ZHX2: variants seen among roughly 807,000 people sequenced by gnomAD.
ZHX2 encodes the protein zinc fingers and homeoboxes protein 2.
Under a neutral mutation model 21.9 loss-of-function variants are expected in ZHX2, and 6 were observed. The observed-to-expected ratio is 0.27, with a 90% CI of 0.15 to 0.54. ZHX2 has a LOEUF of 0.54. Ranked by LOEUF, ZHX2 falls within the 20% of genes least tolerant of loss-of-function variation. The pLI is 0.95. For missense variants in ZHX2, 908 were observed against 1,090.7 expected, an observed-to-expected ratio of 0.83 and a Z score of 2.36; for synonymous variants, 434 against 437.1, an observed-to-expected ratio of 0.99 and a Z score of 0.09.
intron 2 of ZHX2, among the ~76,000 whole-genome samples, chr8:122,867,575 G>A (rs1307320133): frequency 6.6e-6 from 1 of 152,238 alleles, no homozygotes; most frequent in African/African-American, 2.4e-5. Context: ...ATTTGAATTA[G>A]AGAAACTTTG....
At chr8:122,838,747 T>G (rs1818560318) in intron 1 of ZHX2, among the ~76,000 whole-genome samples, 1 of 151,904 alleles carries the variant, frequency 6.6e-6, no homozygotes, top group Non-Finnish European at 1.5e-5. Flanking sequence ...CCAGCTAATT[T>G]TTGTATTTTT....
At chr8:122,950,011 A>C (rs1813069648) in intron 2 of ZHX2, among the ~76,000 whole-genome samples, 1 of 152,188 alleles carries the variant, frequency 6.6e-6, no homozygotes, top group South Asian at 2.1e-4. Flanking sequence ...TTACTACTGT[A>C]AATAGGCTGG....
chr8:122,941,803 C>T (rs944840264), intron 2 of ZHX2, among the ~76,000 whole-genome samples: 3 of 152,206 alleles, frequency 2.0e-5, no homozygotes, highest in Admixed American at 1.3e-4. Context: ...GCCGCAGTTG[C>T]GTGACTTCTG....
At position 122,953,721 on chromosome 8, in the gene ZHX2, C is replaced by G; in HGVS notation, c.2211C>G (p.Leu737=). 1.9e-6 allele frequency: 3 copies of G among 1,614,250 alleles called. No individual in the cohort carries two copies. The highest frequency in any genetic ancestry group is 2.5e-6 in the Non-Finnish European group (3 of 1,180,052). Residue 737 remains leucine (L), a synonymous_variant, in exon 3 of 4, where the codon CTC becomes CTG. Coordinates refer to ENST00000314393, the MANE Select transcript of ZHX2 (RefSeq NM_014943.5). This position sits in a 1 kb window ranked among gnomAD's most constrained non-coding sequence, Gnocchi z 4.6. ...AATATTACAAGGACCCCAAAAAGCT[C>G]TGCGAAGAGGACTTGGAGAAGTTGG... The part of the protein sequence containing the change: ...VPQYYKDPKK[L]CEEDLEKLVT...
intron 3 of ZHX2, among the ~76,000 whole-genome samples, chr8:122,955,979 G>T (rs1813290620): frequency 6.6e-6 from 1 of 151,770 alleles, no homozygotes; most frequent in African/African-American, 2.4e-5. Flanking sequence ...CGAGTAGCTG[G>T]GATTACAGGC....
intron 2 of ZHX2, among the ~76,000 whole-genome samples, chr8:122,885,932 G>T (rs1819831450): frequency 6.6e-6 from 1 of 152,116 alleles, no homozygotes; most frequent in Admixed American, 6.5e-5. Flanking sequence ...TCCTCTATAT[G>T]TTTGGGAGGC....
At chr8:122,868,856 T>C (rs1395144325) in intron 2 of ZHX2, among the ~76,000 whole-genome samples, 1 of 152,092 alleles carries the variant, frequency 6.6e-6, no homozygotes, top group Non-Finnish European at 1.5e-5. Flanking sequence ...AGACCCTATA[T>C]TGGAAAAGAA....
In ZHX2 at chr8:122,954,411, G is replaced by A. The variant is rs1311484018; in HGVS notation, c.*4+383G>A. 3.9e-5 allele frequency among the ~76,000 whole-genome samples: 6 copies of A among 152,204 alleles called. No individual in the cohort carries two copies. The South Asian group carries it at 8.3e-4, about 21-fold the overall frequency. On this transcript the variant is annotated intron_variant, in intron 3 of 3. Coordinates refer to ENST00000314393, the MANE Select transcript of ZHX2 (RefSeq NM_014943.5). ...TAGCCTCAAACTCCTGGGCCCAAGC[G>A]ATCCTCCCCCCTCAGCTTATCAAGT...
At chr8:122,791,138 A>T (rs1372637155) in intron 1 of ZHX2, among the ~76,000 whole-genome samples, 1 of 152,220 alleles carries the variant, frequency 6.6e-6, no homozygotes, top group Non-Finnish European at 1.5e-5. Flanking sequence ...AGCACGGAGG[A>T]TAACAGCAAG....
intron 1 of ZHX2, among the ~76,000 whole-genome samples, chr8:122,800,896 G>A (rs1288398840): frequency 2.0e-5 from 3 of 152,248 alleles, no homozygotes; most frequent in Non-Finnish European, 4.4e-5. Flanking sequence ...TATGGCTTGT[G>A]TAGACAGGTG....
intron 2 of ZHX2, among the ~76,000 whole-genome samples, chr8:122,927,992 G>C (rs9792162): frequency 0.29 from 43,882 of 151,900 alleles, 6,696 homozygotes; most frequent in African/African-American, 0.39. Context: ...CACTACTGAG[G>C]TCCTGCTTCC....
intron 1 of ZHX2, among the ~76,000 whole-genome samples, chr8:122,824,791 A>G (rs1818227779): frequency 6.6e-6 from 1 of 152,244 alleles, no homozygotes; most frequent in African/African-American, 2.4e-5. Context: ...TTGAAAGTCC[A>G]AAGTGGACCT....
At chr8:122,808,938 T>C (rs567049532) in intron 1 of ZHX2, 6 of 152,238 alleles carry the variant, frequency 3.9e-5, no homozygotes, top group East Asian at 3.8e-4. Flanking sequence ...GTAATAGCTA[T>C]AGTCACAAAA....
chr8:122,802,359 G>A (rs1011094327), intron 1 of ZHX2, among the ~76,000 whole-genome samples: 2 of 152,212 alleles, frequency 1.3e-5, no homozygotes, highest in East Asian at 1.9e-4. Flanking sequence ...CACCATGCCC[G>A]GCTTCAAGTC....
At chr8:122,811,749 G>A (rs567603693) in intron 1 of ZHX2, among the ~76,000 whole-genome samples, 22 of 152,350 alleles carry the variant, frequency 1.4e-4, no homozygotes, top group African/African-American at 4.3e-4. Flanking sequence ...GAGCGTTTAC[G>A]TAAAGACCCT....
chr8:122,797,755 C>T (rs1265478771), intron 1 of ZHX2, among the ~76,000 whole-genome samples: 1 of 152,184 alleles, frequency 6.6e-6, no homozygotes, highest in Non-Finnish European at 1.5e-5. Flanking sequence ...ATTTGCCTTT[C>T]TTACATTTTG....
At chr8:122,822,240 C>T (rs540787826) in intron 1 of ZHX2, among the ~76,000 whole-genome samples, 3 of 152,246 alleles carry the variant, frequency 2.0e-5, no homozygotes, top group South Asian at 4.1e-4. Flanking sequence ...GAAGGCCCAG[C>T]GAGTGAAGGG....
At chr8:122,820,846 C>A (rs902989119) in intron 1 of ZHX2, among the ~76,000 whole-genome samples, 1 of 152,168 alleles carries the variant, frequency 6.6e-6, no homozygotes, top group Non-Finnish European at 1.5e-5. Context: ...GGTCAGCCAC[C>A]CTGGCTTCCA....
intron 1 of ZHX2, among the ~76,000 whole-genome samples, chr8:122,803,884 G>A (rs1817767095): frequency 6.6e-6 from 1 of 152,124 alleles, no homozygotes; most frequent in South Asian, 2.1e-4. Context: ...AGGTGAGCCT[G>A]CTGGGCGGCC....
Sources: gnomAD v4.1 joint callset for allele counts (sites outside exome capture counted in the v4.1 genomes callset) on GRCh38, gnomAD v4.1.1 for gene constraint, Gnocchi (gnomAD v3.1) non-coding constraint, MANE v1.5 for transcripts, NCBI Gene and HGNC (gene_info 2026-07-23, HGNC 2026-07-21) for gene names.